The following TDRKH variants were observed in gnomAD, a reference collection of about 807,000 sequenced individuals.
The protein encoded by TDRKH is tudor and KH domain-containing protein.
A neutral mutation model predicts 61.3 loss-of-function variants in TDRKH; 28 were observed. The ratio of observed to expected loss-of-function variants is 0.46; its 90% CI spans 0.34 to 0.63. TDRKH has a LOEUF of 0.63. Among genes scored for constraint, TDRKH ranks in the 20% least tolerant of loss-of-function variants. The pLI is 0.01. For synonymous variants in TDRKH, 219 were observed against 244.4 expected (o/e 0.90, Z 0.97); for missense variants, 540 against 683.4 (o/e 0.79, Z 2.34).
downstream of TDRKH, chr1:151,771,220 A>C (rs1382682379): frequency 6.2e-7 from 1 of 1,612,958 alleles, no homozygotes; most frequent in Non-Finnish European, 8.5e-7. Context: ...GCCTCCTTGA[A>C]CATGCTTATT....
At chr1:151,780,894 A>C (rs1649693886) in intron 3 of TDRKH, among the ~76,000 whole-genome samples, 1 of 151,910 alleles carries the variant, frequency 6.6e-6, no homozygotes. Context: ...CCATGCTGAC[A>C]ATCACCCAGT....
At chr1:151,771,257 T>G (rs1482218355), downstream of TDRKH, 1 of 1,603,696 alleles carries the variant, frequency 6.2e-7, no homozygotes. Context: ...CTGGAAGCCT[T>G]GACACATGGA....
chr1:151,768,910 C>T (rs1458084775), downstream of TDRKH, among the ~76,000 whole-genome samples: 3 of 152,194 alleles, frequency 2.0e-5, no homozygotes, highest in African/African-American at 7.2e-5. Context: ...TAACAAAGCA[C>T]ATCTTGCACC....
At position 151,776,086 on chromosome 1, in the gene TDRKH, C is replaced by T. The variant is rs112820121; in HGVS notation, c.1217+10G>A. 1.9e-6 allele frequency: 3 copies of T among 1,610,158 alleles called. No individual in the cohort carries two copies. The highest frequency in any genetic ancestry group is 2.5e-6 in the Non-Finnish European group (3 of 1,177,976). ...TCAGCAGTTGGGATTGAGCTGACCT[C>T]AGCACTGACCTGAGAGCCCTGAGGT... On this transcript the variant is annotated intron_variant, in intron 8 of 12. Transcript: ENST00000368824.
Position 151,775,108 on chromosome 1 carries a change from T to C in TDRKH, c.1493A>G (p.Asp498Gly). 1 of 1,614,180 alleles carries C rather than the reference T, an allele frequency of 6.2e-7. No individual in the cohort carries two copies. The highest frequency in any genetic ancestry group is 2.2e-5 in the East Asian group (1 of 44,872). ...TGGGACAGCTCTGTTTTCTTCTATG[T>C]CTTCAGGAAGCTCAATTGCGTATCC... ...HKGYAIELPEDIEENRAVPDM... is the reference protein window; with the variant it reads ...HKGYAIELPEGIEENRAVPDM... Residue 498 changes from aspartate (D) to glycine (G), a missense_variant, in exon 11 of 13, where the codon GAC (aspartate) becomes GGC (glycine). Coordinates refer to ENST00000368824, the MANE Select transcript of TDRKH (RefSeq NM_001083965.2).
At chr1:151,767,337 C>G (rs1380508413), downstream of TDRKH, 14 of 1,600,566 alleles carry the variant, frequency 8.7e-6, no homozygotes, top group South Asian at 5.5e-5. Context: ...ACAGGGCAAC[C>G]CTTTTCTTGC....
chr1:151,768,071 C>A (rs762424853), downstream of TDRKH: 1 of 1,613,936 alleles, frequency 6.2e-7, no homozygotes, highest in Non-Finnish European at 8.5e-7. Flanking sequence ...GGGAACTTGA[C>A]GGTGCTGGCT....
chr1:151,774,635 CCT>C (rs1210815675), intron 12 of TDRKH, 73 bp downstream of exon 12: 5 of 1,591,806 alleles, frequency 3.1e-6, no homozygotes, highest in Non-Finnish European at 4.3e-6. Context: ...CTTCAATTAA[CCT>C]CCCTACTCTG....
At chr1:151,768,039 AT>A (rs777416179), downstream of TDRKH, 84 of 1,613,636 alleles carry the variant, frequency 5.2e-5, 1 homozygote, top group South Asian at 8.7e-4. Flanking sequence ...CTAGAGGAGC[AT>A]TTTTACTCCT....
intron 4 of TDRKH, chr1:151,779,732 TAAAG>T: frequency 2.0e-6 from 1 of 503,692 alleles, no homozygotes; most frequent in South Asian, 3.9e-5. Context: ...CTAGAACCCT[TAAAG>T]AATCAATTTG....
chr1:151,774,368 C>A lies in TDRKH; in HGVS notation c.*84G>T. The stretch of plus-strand genomic sequence containing the variant: ...TCAAAGCAAGTGCCCCACTGTCGCC[C>A]TCATTACTTTCCTGTTGCTACAGAT... On this transcript the variant is annotated 3_prime_UTR_variant, in exon 13 of 13. Coordinates refer to ENST00000368824, the MANE Select transcript of TDRKH (RefSeq NM_001083965.2). 1 of 1,477,006 alleles carries A rather than the reference C, an allele frequency of 6.8e-7. No homozygotes were observed. Among genetic ancestry groups the A allele is most frequent in the Non-Finnish European group, 9.4e-7 (1 of 1,069,014 alleles). The allele number at this position is 1,477,006 out of a possible 1,614,324, so 91.5% of individuals were successfully genotyped here. A position where few individuals can be genotyped will look rare whatever the true frequency, so the allele number is the denominator to read the frequency against.
At chr1:151,781,738 T>C in intron 2 of TDRKH, 151 bp from the exon 3 acceptor site, 1 of 653,026 alleles carries the variant, frequency 1.5e-6, no homozygotes, top group South Asian at 2.0e-5. Context: ...AAGTGGCATC[T>C]GAATGGGAAT....
At chr1:151,779,903 C>A in intron 4 of TDRKH, 48 bp downstream of exon 4, 1 of 1,533,396 alleles carries the variant, frequency 6.5e-7, no homozygotes, top group Non-Finnish European at 8.8e-7. Context: ...GAAAGAGGGG[C>A]AAAGGTAAAG....
At chr1:151,779,775 G>C (rs981483409) in intron 4 of TDRKH, 176 bp downstream of exon 4, 9 of 571,660 alleles carry the variant, frequency 1.6e-5, no homozygotes, top group Non-Finnish European at 2.4e-5. Context: ...ACTTCTTGAG[G>C]AAACAGGTTT....
chr1:151,774,858 A>C (rs1649002435), intron 11 of TDRKH, 52 bp from the exon 12 acceptor site: 1 of 1,589,422 alleles, frequency 6.3e-7, no homozygotes, highest in African/African-American at 1.3e-5. Context: ...TTTTAGGAAA[A>C]AAGAGGCCAC....
chr1:151,788,642 T>C (rs901407870), intron 1 of TDRKH, among the ~76,000 whole-genome samples: 2 of 152,226 alleles, frequency 1.3e-5, no homozygotes, highest in African/African-American at 4.8e-5. Flanking sequence ...TAGAAAAGGA[T>C]TGATCTAAGA....
chr1:151,771,437 A>C, downstream of TDRKH: 1 of 1,157,642 alleles, frequency 8.6e-7, no homozygotes, highest in Non-Finnish European at 1.1e-6. Context: ...GACCTGAACT[A>C]CGGAGGAAAG....
At chr1:151,767,081 A>G, downstream of TDRKH, 1 of 1,547,284 alleles carries the variant, frequency 6.5e-7, no homozygotes, top group Non-Finnish European at 8.8e-7. Flanking sequence ...GAAAATACAG[A>G]AGATCATGCC....
rs11204885 is a variant in TDRKH, at chr1:151,775,494, A to G, written c.1332T>C (p.His444=). 0.21 allele frequency: 342,574 copies of G among 1,613,632 alleles called. 38,302 individuals are homozygous for G. The highest frequency in any genetic ancestry group is 0.35 in the Middle Eastern group (2,147 of 6,062). The change falls in exon 10 of 13, where the codon CAT becomes CAC. Residue 444 remains histidine (H), a synonymous_variant. Transcript: ENST00000368824. ...EALDEFDRLT[H]CADWKPLVAK... Reference sequence around the variant, plus strand: ...CTACCAGAGGCTTCCAGTCAGCACAATGAGTGAGTCTATCAAACTCATCCA... The same window carrying G: ...CTACCAGAGGCTTCCAGTCAGCACAGTGAGTGAGTCTATCAAACTCATCCA...
Sources: gnomAD v4.1 joint callset for allele counts (sites outside exome capture counted in the v4.1 genomes callset) on GRCh38, gnomAD v4.1.1 for gene constraint, MANE v1.5 for transcripts, NCBI Gene and HGNC (gene_info 2026-07-23, HGNC 2026-07-21) for gene names.